The following CAMTA1 variants were observed in gnomAD, a reference collection of about 807,000 sequenced individuals.
CAMTA1 encodes the protein calmodulin-binding transcription activator 1.
Under a neutral mutation model 170.9 loss-of-function variants are expected in CAMTA1, and 27 were observed. The observed-to-expected ratio is 0.16, with a 90% confidence interval of 0.12 to 0.22. CAMTA1 has a LOEUF of 0.22. Among genes scored for constraint, CAMTA1 ranks in the 10% least tolerant of loss-of-function variants. The probability of loss-of-function intolerance (pLI) is 1.00; values close to 1 mark genes in which losing one functional copy is unlikely to be tolerated. For missense variants in CAMTA1, 1,619 were observed against 2,217.2 expected (o/e 0.73, Z 5.42); for synonymous variants, 833 against 891.5 (o/e 0.93, Z 1.17).
chr1:7,238,917 C>T (rs887785130), intron 4 of CAMTA1, among the ~76,000 whole-genome samples: 7 of 152,200 alleles, frequency 4.6e-5, no homozygotes, highest in African/African-American at 9.6e-5. Context: ...GAGCAGCTAT[C>T]GTGGCCGAGC....
At chr1:6,872,722 A>C (rs1413860605) in intron 3 of CAMTA1, among the ~76,000 whole-genome samples, 1 of 152,236 alleles carries the variant, frequency 6.6e-6, no homozygotes, top group Non-Finnish European at 1.5e-5. Context: ...GACAGAAACC[A>C]AACTTGAGTC....
Position 7,490,353 on chromosome 1 carries a change from T to G in CAMTA1, c.510+22452T>G, listed in dbSNP as rs116582717. Among the ~76,000 whole-genome samples, 741 of 152,238 alleles carry G rather than the reference T, an allele frequency of 4.9e-3. 3 individuals carry two copies. Among genetic ancestry groups the G allele is most frequent in the Non-Finnish European group, 8.8e-3 (596 of 68,016 alleles). ...CCCTCCATAAAGTCGGAACTGTCAT[T>G]ATCAAAAGCAGTGATTGGCCGGGCG... On this transcript the variant is annotated intron_variant, in intron 6 of 22. Transcript: ENST00000303635.
intron 3 of CAMTA1, among the ~76,000 whole-genome samples, chr1:6,881,408 T>C (rs1671538391): frequency 6.6e-6 from 1 of 152,078 alleles, no homozygotes; most frequent in African/African-American, 2.4e-5. Context: ...CGTAGGTGTC[T>C]AGAGTGAGTA....
In CAMTA1 at chr1:7,044,470, C is replaced by G. The variant is rs1047058572; in HGVS notation, c.235-46834C>G. ...CAGTGCCACTGGGACCCAGATCATG[C>G]CCCTCTGCATGTAACCGATGGCACA... On this transcript the variant is annotated intron_variant, in intron 3 of 22. Coordinates refer to ENST00000303635, the MANE Select transcript of CAMTA1 (RefSeq NM_015215.4). The surrounding 1 kb of genome is among the most constrained non-coding windows in gnomAD (Gnocchi z 5.0). Among the ~76,000 whole-genome samples the G allele has an allele frequency of 1.4e-4, 21 of 152,206 alleles. No individual in the cohort carries two copies. Among genetic ancestry groups the G allele is most frequent in the Non-Finnish European group, 1.6e-4 (11 of 68,036 alleles).
At chr1:7,408,162 C>T (rs955654264) in intron 5 of CAMTA1, among the ~76,000 whole-genome samples, 22 of 151,202 alleles carry the variant, frequency 1.5e-4, no homozygotes, top group Non-Finnish European at 2.4e-4. Context: ...GTCATCTGAA[C>T]GAAGTGGTTG....
At chr1:7,766,335 A>G in intron 22 of CAMTA1, 124 bp from the exon 23 acceptor site, 2 of 757,934 alleles carry the variant, frequency 2.6e-6, no homozygotes, top group South Asian at 4.0e-5. Context: ...TTTTGCCGTC[A>G]ATCCTCAAAA....
intron 5 of CAMTA1, among the ~76,000 whole-genome samples, chr1:7,430,254 CTGATGATGATGGGGA>C (rs1213335744): frequency 6.6e-6 from 1 of 150,822 alleles, no homozygotes; most frequent in Non-Finnish European, 1.5e-5. Context: ...GAATCTGCTG[CTGATGATGATGGGGA>C]TGATGATGAC....
chr1:7,583,424 G>A (rs553432045), intron 6 of CAMTA1, among the ~76,000 whole-genome samples: 2 of 152,262 alleles, frequency 1.3e-5, no homozygotes, highest in Admixed American at 6.5e-5. Context: ...CAGCAGGTGG[G>A]GGCTGCAGGA....
chr1:7,181,380 G>A lies in CAMTA1; in HGVS notation c.303-68111G>A, dbSNP rs149799376. Among the ~76,000 whole-genome samples, 800 of 152,202 alleles carry A rather than the reference G, an allele frequency of 5.3e-3. 6 individuals carry two copies. Among genetic ancestry groups the A allele is most frequent in the African/African-American group, 0.012 (482 of 41,526 alleles). On this transcript the variant is annotated intron_variant, in intron 4 of 22. Transcript: ENST00000303635. Reference sequence around the variant, plus strand: ...GCTACTATCCCACAATTGTACTGGAGGTATTAGCAATTAGGTAAGATAAAT... The same window carrying A: ...GCTACTATCCCACAATTGTACTGGAAGTATTAGCAATTAGGTAAGATAAAT...
intron 6 of CAMTA1, among the ~76,000 whole-genome samples, chr1:7,568,507 C>T (rs1029390087): frequency 2.7e-5 from 4 of 150,658 alleles, no homozygotes; most frequent in Admixed American, 1.3e-4. Context: ...CACCACATCA[C>T]CATCACCACC....
intron 4 of CAMTA1, among the ~76,000 whole-genome samples, chr1:7,128,551 G>A (rs1005260559): frequency 6.6e-6 from 1 of 152,196 alleles, no homozygotes; most frequent in Admixed American, 6.5e-5. Context: ...GTGTGAGATG[G>A]GCTAAGAAAA....
chr1:7,650,111 C>G (rs2095838931), intron 7 of CAMTA1, among the ~76,000 whole-genome samples: 1 of 152,180 alleles, frequency 6.6e-6, no homozygotes, highest in African/African-American at 2.4e-5. Flanking sequence ...TCCAGAATCC[C>G]ACTTGGTCCC....
At chr1:6,820,454 A>G (rs1646358801) in intron 2 of CAMTA1, among the ~76,000 whole-genome samples, 1 of 152,208 alleles carries the variant, frequency 6.6e-6, no homozygotes, top group Non-Finnish European at 1.5e-5. Context: ...TTCTGTGGAG[A>G]TGAAAAAAGG....
chr1:7,744,306 A>G (rs2096841504), intron 16 of CAMTA1, among the ~76,000 whole-genome samples: 1 of 148,058 alleles, frequency 6.8e-6, no homozygotes, highest in East Asian at 2.0e-4. Flanking sequence ...TAATTTTTGT[A>G]TTTTTAGTAG....
chr1:7,751,416 G>A, intron 20 of CAMTA1, 24 bp downstream of exon 20: 5 of 1,550,238 alleles, frequency 3.2e-6, no homozygotes, highest in Non-Finnish European at 4.3e-6. Context: ...AGCTCATGGA[G>A]GTAAAGCTCC....
intron 4 of CAMTA1, among the ~76,000 whole-genome samples, chr1:7,174,075 T>C (rs1287795135): frequency 1.3e-5 from 2 of 151,992 alleles, no homozygotes. Flanking sequence ...CCTCCACTCC[T>C]CACCTCCCAC....
chr1:7,155,976 G>A (rs1280366725), intron 4 of CAMTA1, among the ~76,000 whole-genome samples: 1 of 152,134 alleles, frequency 6.6e-6, no homozygotes, highest in Non-Finnish European at 1.5e-5. Context: ...AAATAGAGCA[G>A]GCGCGGTGGC....
At chr1:7,741,189 C>A (rs1266954462) in intron 16 of CAMTA1, among the ~76,000 whole-genome samples, 4 of 151,774 alleles carry the variant, frequency 2.6e-5, no homozygotes, top group African/African-American at 9.7e-5. Flanking sequence ...TGTATGAAAG[C>A]TCTCGGGTTC....
At chr1:7,476,587 G>A (rs1263080470) in intron 6 of CAMTA1, among the ~76,000 whole-genome samples, 2 of 152,182 alleles carry the variant, frequency 1.3e-5, no homozygotes, top group East Asian at 3.9e-4. Flanking sequence ...CCGGCACAGG[G>A]CTGTCTGGGA....
Sources: gnomAD v4.1 joint callset for allele counts (sites outside exome capture counted in the v4.1 genomes callset) on GRCh38, gnomAD v4.1.1 for gene constraint, Gnocchi (gnomAD v3.1) non-coding constraint, MANE v1.5 for transcripts, NCBI Gene and HGNC (gene_info 2026-07-23, HGNC 2026-07-21) for gene names.